XKR9: variants seen among roughly 807,000 people sequenced by gnomAD.
The protein encoded by XKR9 is XK-related protein 9.
XKR9 carries 32 observed loss-of-function variants against 32.0 expected under a neutral mutation model. The ratio of observed to expected loss-of-function variants is 1.00; its 90% CI spans 0.76 to 1.34. The LOEUF (loss-of-function observed/expected upper bound fraction) is 1.34, where lower values mean the gene tolerates loss of function less well. XKR9 is among the 40% of genes most tolerant of loss of function. The pLI is 0.00. For synonymous variants in XKR9, 168 were observed against 143.4 expected (o/e 1.17, Z -1.22); for missense variants, 546 against 429.7 (o/e 1.27, Z -2.39).
chr8:70,673,145 G>A (rs571991137), intron 1 of XKR9, among the ~76,000 whole-genome samples: 1 of 152,258 alleles, frequency 6.6e-6, no homozygotes, highest in African/African-American at 2.4e-5. Flanking sequence ...CTAAACCAAT[G>A]TCCTTATGTA....
intron 2 of XKR9, among the ~76,000 whole-genome samples, chr8:70,760,105 T>G (rs1318705761): frequency 1.3e-5 from 2 of 152,242 alleles, no homozygotes; most frequent in Non-Finnish European, 1.5e-5. Flanking sequence ...AAATATTTAT[T>G]CAGTTATCAA....
the XKR9 span, among the ~76,000 whole-genome samples, chr8:70,971,565 T>G: frequency 1.3e-5 from 2 of 152,188 alleles, no homozygotes. Context: ...GTTTTTCTGA[T>G]GTTCTCTTCT....
intron 4 of XKR9, among the ~76,000 whole-genome samples, chr8:70,716,308 A>C (rs551466109): frequency 6.6e-6 from 1 of 152,336 alleles, no homozygotes; most frequent in South Asian, 2.1e-4. Context: ...CAATAAAAAC[A>C]CTGCACTTAT....
At chr8:70,973,934 C>A in the XKR9 span, among the ~76,000 whole-genome samples, 2 of 152,108 alleles carry the variant, frequency 1.3e-5, no homozygotes. Flanking sequence ...AATGTATATG[C>A]TGCAGTTGTT....
At chr8:70,669,604 CTCTGTG>C in intron 1 of XKR9, 66 bp downstream of exon 1, 2 of 135,034 alleles carry the variant, frequency 1.5e-5, no homozygotes, top group Non-Finnish European at 3.1e-5. Flanking sequence ...TAGGCAGTGG[CTCTGTG>C]TGTGTGTGTG....
the XKR9 span, among the ~76,000 whole-genome samples, chr8:71,053,956 G>A: frequency 6.6e-6 from 1 of 152,290 alleles, no homozygotes; most frequent in African/African-American, 2.4e-5. Flanking sequence ...TTGTTTTCAG[G>A]CATTTTGTTC....
chr8:70,998,067 T>A, the XKR9 span, among the ~76,000 whole-genome samples: 1 of 152,150 alleles, frequency 6.6e-6, no homozygotes, highest in Non-Finnish European at 1.5e-5. Context: ...ATTGTTAGAT[T>A]AAACAAAGGT....
At chr8:70,885,693 A>T in the XKR9 span, among the ~76,000 whole-genome samples, 1 of 151,386 alleles carries the variant, frequency 6.6e-6, no homozygotes, top group Admixed American at 6.6e-5. Context: ...GCCTCCCGGG[A>T]TCACGCCATT....
chr8:70,698,282 G>T (rs1335323185), intron 3 of XKR9, among the ~76,000 whole-genome samples: 1 of 152,036 alleles, frequency 6.6e-6, no homozygotes, highest in African/African-American at 2.4e-5. Context: ...ATGTTAGGGT[G>T]TCAATTTTTG....
At chr8:70,669,969 C>G (rs912600056) in intron 1 of XKR9, among the ~76,000 whole-genome samples, 1 of 152,118 alleles carries the variant, frequency 6.6e-6, no homozygotes, top group African/African-American at 2.4e-5. Context: ...CCGGGCCAGC[C>G]TGTTCATCTT....
At chr8:70,801,934 C>G in the XKR9 span, among the ~76,000 whole-genome samples, 7,845 of 149,924 alleles carry the variant, frequency 0.052, 295 homozygotes, top group Non-Finnish European at 0.087. Context: ...TTTTCTTTTT[C>G]TTTCTTTTTT....
downstream of XKR9, among the ~76,000 whole-genome samples, chr8:70,737,153 G>T (rs1210865196): frequency 6.9e-6 from 1 of 144,758 alleles, no homozygotes; most frequent in Admixed American, 6.9e-5. Context: ...CTGAGCAGTG[G>T]TTTGTAGTTC....
At chr8:70,677,817 A>G (rs1175608870) in intron 2 of XKR9, among the ~76,000 whole-genome samples, 1 of 152,200 alleles carries the variant, frequency 6.6e-6, no homozygotes, top group East Asian at 1.9e-4. Flanking sequence ...TTTATGCCAA[A>G]AAACTTCACT....
chr8:70,963,357 C>T, the XKR9 span, among the ~76,000 whole-genome samples: 1 of 152,182 alleles, frequency 6.6e-6, no homozygotes, highest in Non-Finnish European at 1.5e-5. Flanking sequence ...TTCCTTTATC[C>T]AGTCTATCAT....
chr8:70,717,582 T>C (rs1437049169), intron 4 of XKR9, among the ~76,000 whole-genome samples: 1 of 152,158 alleles, frequency 6.6e-6, no homozygotes, highest in Non-Finnish European at 1.5e-5. Context: ...CAGGGAACCA[T>C]GTCCTGAGGC....
chr8:70,813,754 C>T, the XKR9 span, among the ~76,000 whole-genome samples: 1 of 152,162 alleles, frequency 6.6e-6, no homozygotes, highest in Non-Finnish European at 1.5e-5. Flanking sequence ...TACCATCTCA[C>T]ACCAGTTAGA....
the XKR9 span, among the ~76,000 whole-genome samples, chr8:70,830,417 C>CA: frequency 0.13 from 12,899 of 99,742 alleles, 624 homozygotes; most frequent in African/African-American, 0.16. Flanking sequence ...CTTGTCTTTA[C>CA]AAAAAAAAAA....
At position 70,725,175 on chromosome 8, in the gene XKR9, C is replaced by T. The variant is rs181216776; in HGVS notation, c.494-8621C>T. On this transcript the variant is annotated intron_variant, in intron 4 of 4. Transcript: ENST00000408926. ...CCCCTGTGATTCAATTACCTCCCTC[C>T]GGGTCCCTCCCATGACATGTCGGAA... Among the ~76,000 whole-genome samples, 45 of 152,232 alleles carry T rather than the reference C, an allele frequency of 3.0e-4. 1 individual carries two copies. The South Asian group carries it at 6.8e-3, about 23-fold the overall frequency.
chr8:70,862,260 T>A, the XKR9 span, among the ~76,000 whole-genome samples: 1 of 152,106 alleles, frequency 6.6e-6, no homozygotes, highest in Non-Finnish European at 1.5e-5. Context: ...ATACTGAATG[T>A]GAGAGGATCA....
Sources: allele counts gnomAD v4.1 joint callset (sites outside exome capture counted in the v4.1 genomes callset), GRCh38; gene constraint gnomAD v4.1.1; transcripts MANE v1.5; gene names NCBI Gene and HGNC (gene_info 2026-07-23, HGNC 2026-07-21).